Variants in ROBO2 observed in about 807,000 individuals in gnomAD.
ROBO2 encodes roundabout guidance receptor 2.
A neutral mutation model predicts 160.8 loss-of-function variants in ROBO2; 53 were observed. That is an observed-to-expected ratio of 0.33 (90% CI 0.26 to 0.41). The LOEUF (loss-of-function observed/expected upper bound fraction) is 0.41, where lower values mean the gene tolerates loss of function less well. Ranked by LOEUF, ROBO2 falls within the 10% of genes least tolerant of loss-of-function variation. The pLI, the probability that ROBO2 is intolerant of heterozygous loss-of-function variation, is 1.00. For missense variants in ROBO2, 1,577 were observed against 1,722.4 expected (o/e 0.92, Z 1.49); for synonymous variants, 664 against 611.7 (o/e 1.09, Z -1.26).
intron 2 of ROBO2, among the ~76,000 whole-genome samples, chr3:76,365,618 T>C (rs887417385): frequency 3.3e-5 from 5 of 152,040 alleles, no homozygotes; most frequent in Non-Finnish European, 7.4e-5. Context: ...GAATTCCCTA[T>C]TGAGAAATGC....
chr3:76,619,112 G>C (rs539229372), intron 2 of ROBO2, among the ~76,000 whole-genome samples: 2 of 151,582 alleles, frequency 1.3e-5, no homozygotes, highest in Non-Finnish European at 2.9e-5. Context: ...AGGCCGAGGC[G>C]GGCGGATCAC....
intron 2 of ROBO2, among the ~76,000 whole-genome samples, chr3:76,350,840 T>C (rs2074828511): frequency 6.6e-6 from 1 of 151,972 alleles, no homozygotes; most frequent in African/African-American, 2.4e-5. Flanking sequence ...AGACATTTTT[T>C]CATGAAGACA....
intron 2 of ROBO2, among the ~76,000 whole-genome samples, chr3:77,451,126 G>A (rs1235155780): frequency 6.6e-6 from 1 of 152,128 alleles, no homozygotes; most frequent in African/African-American, 2.4e-5. Flanking sequence ...CATACGCTAT[G>A]TAAGTGGATT....
intron 2 of ROBO2, among the ~76,000 whole-genome samples, chr3:76,510,446 G>A (rs1212583885): frequency 6.6e-6 from 1 of 152,120 alleles, no homozygotes; most frequent in Non-Finnish European, 1.5e-5. Flanking sequence ...AAATATGGCT[G>A]GGGGCAGTGG....
At chr3:77,605,224 A>G (rs962284926) in intron 20 of ROBO2, among the ~76,000 whole-genome samples, 3 of 150,588 alleles carry the variant, frequency 2.0e-5, no homozygotes, top group African/African-American at 7.3e-5. Context: ...ATACACACAA[A>G]TTAAAGAGTT....
intron 2 of ROBO2, among the ~76,000 whole-genome samples, chr3:76,513,100 T>G (rs531102368): frequency 6.6e-6 from 1 of 152,186 alleles, no homozygotes; most frequent in Non-Finnish European, 1.5e-5. Context: ...AGAAAGTTGA[T>G]CAAGGAAGTT....
At chr3:76,243,059 A>G (rs1183790780) in intron 2 of ROBO2, among the ~76,000 whole-genome samples, 1 of 152,162 alleles carries the variant, frequency 6.6e-6, no homozygotes, top group East Asian at 1.9e-4. Context: ...TAATCCCTGT[A>G]ACAACTCACA....
intron 2 of ROBO2, among the ~76,000 whole-genome samples, chr3:77,116,759 G>C (rs1347646402): frequency 6.6e-6 from 1 of 152,060 alleles, no homozygotes; most frequent in African/African-American, 2.4e-5. Context: ...GCTATGCTTG[G>C]CAAGTCTTTC....
chr3:77,321,531 A>G (rs2153431664), intron 2 of ROBO2, among the ~76,000 whole-genome samples: 1 of 152,280 alleles, frequency 6.6e-6, no homozygotes, highest in East Asian at 1.9e-4. Context: ...AAAAGAAGAA[A>G]AAAAGAAAAA....
rs117913749 is a variant in ROBO2, at chr3:75,933,499, G to A, written c.-13-3982G>A. Among the ~76,000 whole-genome samples, 150 of 152,090 alleles carry A rather than the reference G, an allele frequency of 9.9e-4. No individual in the cohort carries two copies. The East Asian group carries it at 0.026, about 26-fold the overall frequency. On this transcript the variant is annotated intron_variant, in intron 1 of 26. Coordinates refer to the ROBO2 transcript ENST00000487694. The stretch of plus-strand genomic sequence containing the variant: ...TGCCAACAGCAATACTTGCAGGGAA[G>A]CTTTGTTCCAGAGAGGATTTTTTTT...
At chr3:75,919,973 T>G (rs942235777) in intron 1 of ROBO2, among the ~76,000 whole-genome samples, 11 of 152,166 alleles carry the variant, frequency 7.2e-5, no homozygotes, top group African/African-American at 2.7e-4. Context: ...TTTGTTAATC[T>G]TTTCAAAAAA....
intron 2 of ROBO2, among the ~76,000 whole-genome samples, chr3:76,308,382 A>AAG (rs2071420979): frequency 6.6e-6 from 1 of 151,106 alleles, no homozygotes; most frequent in Non-Finnish European, 1.5e-5. Flanking sequence ...GTCTCAAAAA[A>AAG]AAAAAAAAAA....
At chr3:76,014,011 G>A (rs889169318) in intron 2 of ROBO2, among the ~76,000 whole-genome samples, 3 of 150,890 alleles carry the variant, frequency 2.0e-5, no homozygotes, top group Non-Finnish European at 4.4e-5. Flanking sequence ...GGTGGTTTAT[G>A]CGTGTAATCC....
At chr3:76,414,901 G>A (rs1341914147) in intron 2 of ROBO2, among the ~76,000 whole-genome samples, 1 of 152,144 alleles carries the variant, frequency 6.6e-6, no homozygotes, top group Non-Finnish European at 1.5e-5. Flanking sequence ...CTGTCTCTTT[G>A]TGAAAGGAGA....
intron 6 of ROBO2, among the ~76,000 whole-genome samples, chr3:77,531,791 A>G (rs1184071125): frequency 2.0e-5 from 3 of 152,082 alleles, no homozygotes; most frequent in African/African-American, 7.2e-5. Context: ...TTCTAAGTGT[A>G]CCTTGAAAGG....
At chr3:77,252,063 A>T (rs1295697391) in intron 2 of ROBO2, among the ~76,000 whole-genome samples, 1 of 152,204 alleles carries the variant, frequency 6.6e-6, no homozygotes, top group African/African-American at 2.4e-5. Flanking sequence ...GTAAGCAGTC[A>T]AAAGAAGCCA....
intron 2 of ROBO2, among the ~76,000 whole-genome samples, chr3:76,068,038 A>G (rs1489098): frequency 0.64 from 97,566 of 152,084 alleles, 31,910 homozygotes; most frequent in Middle Eastern, 0.77. Flanking sequence ...AGTGCTAAGG[A>G]GAAGAAATAC....
At chr3:76,897,707 CCTCA>C (rs1015045126) in intron 2 of ROBO2, among the ~76,000 whole-genome samples, 1 of 136,746 alleles carries the variant, frequency 7.3e-6, no homozygotes, top group Non-Finnish European at 1.6e-5. Flanking sequence ...ATAGAGTGGC[CCTCA>C]CTTTTTTTTT....
At chr3:77,473,539 C>T (rs2083609751) in intron 2 of ROBO2, among the ~76,000 whole-genome samples, 2 of 145,690 alleles carry the variant, frequency 1.4e-5, no homozygotes, top group South Asian at 2.3e-4. Context: ...CTGCAAGCTC[C>T]GCCTCCCGGG....
Sources: allele counts gnomAD v4.1 joint callset (sites outside exome capture counted in the v4.1 genomes callset), GRCh38; gene constraint gnomAD v4.1.1; transcripts MANE v1.5; gene names NCBI Gene and HGNC (gene_info 2026-07-23, HGNC 2026-07-21).